The following ZNF248 variants were observed in gnomAD, a reference collection of about 807,000 sequenced individuals.
ZNF248 encodes the protein zinc finger protein 248, also known as KRAB protein domain.
A neutral mutation model predicts 44.3 loss-of-function variants in ZNF248; 20 were observed. The ratio of observed to expected loss-of-function variants is 0.45; its 90% CI spans 0.32 to 0.66. The LOEUF is 0.66. Among genes scored for constraint, ZNF248 ranks in the 30% least tolerant of loss-of-function variants. The probability of loss-of-function intolerance (pLI) is 0.04; values close to 1 mark genes in which losing one functional copy is unlikely to be tolerated. For synonymous variants in ZNF248, 224 were observed against 229.0 expected, an observed-to-expected ratio of 0.98 and a Z score of 0.20; for missense variants, 654 against 677.0, an observed-to-expected ratio of 0.97 and a Z score of 0.38.
chr10:37,773,732 T>C (rs2132745615), downstream of ZNF248, among the ~76,000 whole-genome samples: 1 of 152,242 alleles, frequency 6.6e-6, no homozygotes, highest in Non-Finnish European at 1.5e-5. Flanking sequence ...CTCATCTCTC[T>C]TTCTTATGAA....
chr10:37,849,753 C>A (rs1000077409), intron 3 of ZNF248, among the ~76,000 whole-genome samples: 1 of 151,698 alleles, frequency 6.6e-6, no homozygotes, highest in African/African-American at 2.4e-5. Context: ...GAAGACAGTA[C>A]AAAAGAGAAA....
chr10:37,852,993 C>G (rs986798173), intron 3 of ZNF248, among the ~76,000 whole-genome samples: 5 of 152,096 alleles, frequency 3.3e-5, no homozygotes, highest in Admixed American at 6.5e-5. Flanking sequence ...TCCCGAGTAG[C>G]TGGGACTACA....
chr10:37,777,891 T>C (rs1202535841), intron 6 of ZNF248, among the ~76,000 whole-genome samples: 1 of 152,118 alleles, frequency 6.6e-6, no homozygotes, highest in Non-Finnish European at 1.5e-5. Context: ...CTGCATAGTA[T>C]TCCACGGTGT....
intron 6 of ZNF248, among the ~76,000 whole-genome samples, chr10:37,822,242 G>A (rs1023793554): frequency 1.3e-5 from 2 of 152,122 alleles, no homozygotes; most frequent in African/African-American, 4.8e-5. Flanking sequence ...TAACAGCCTT[G>A]TCTACATAGA....
At chr10:37,856,233 AC>A in intron 3 of ZNF248, 62 bp downstream of exon 3, 1 of 1,555,460 alleles carries the variant, frequency 6.4e-7, no homozygotes, top group Admixed American at 1.8e-5. Context: ...CAAAACATAA[AC>A]CCTTATAAAC....
At chr10:37,820,191 G>A (rs754831532) in intron 6 of ZNF248, 4 of 1,257,956 alleles carry the variant, frequency 3.2e-6, no homozygotes, top group Non-Finnish European at 4.7e-6. Context: ...TTCTAGTGCA[G>A]ATATTTTTTA....
chr10:37,786,488 G>C (rs2047884715), intron 6 of ZNF248, among the ~76,000 whole-genome samples: 1 of 151,582 alleles, frequency 6.6e-6, no homozygotes, highest in Non-Finnish European at 1.5e-5. Context: ...GTAAAAATTA[G>C]AAAAACAAGA....
At chr10:37,851,958 A>T (rs906807645) in intron 3 of ZNF248, among the ~76,000 whole-genome samples, 6 of 152,182 alleles carry the variant, frequency 3.9e-5, no homozygotes, top group African/African-American at 1.4e-4. Context: ...TTAAACTGTG[A>T]TATATCCAGC....
intron 6 of ZNF248, chr10:37,820,157 T>G: frequency 8.6e-7 from 1 of 1,156,566 alleles, no homozygotes; most frequent in Non-Finnish European, 1.3e-6. Flanking sequence ...CTTCCCTCCT[T>G]CTTAAGTCAG....
chr10:37,857,111 C>T (rs2061435135), intron 1 of ZNF248, 74 bp downstream of exon 1: 1 of 152,392 alleles, frequency 6.6e-6, no homozygotes, highest in African/African-American at 2.4e-5. Flanking sequence ...AGCCTTTCAC[C>T]CGTCCCTGCC....
chr10:37,782,281 A>G (rs2047404951), intron 6 of ZNF248, among the ~76,000 whole-genome samples: 1 of 152,226 alleles, frequency 6.6e-6, no homozygotes, highest in African/African-American at 2.4e-5. Flanking sequence ...ATTTTACCCC[A>G]GGATGGACCA....
chr10:37,805,427 T>C (rs1419184077), intron 6 of ZNF248, among the ~76,000 whole-genome samples: 6 of 152,202 alleles, frequency 3.9e-5, no homozygotes, highest in African/African-American at 1.4e-4. Context: ...ATATGATATA[T>C]ACTAAACCAA....
At chr10:37,799,144 A>T (rs1390546800) in intron 6 of ZNF248, among the ~76,000 whole-genome samples, 1 of 152,154 alleles carries the variant, frequency 6.6e-6, no homozygotes, top group Non-Finnish European at 1.5e-5. Flanking sequence ...AGTGCAATAT[A>T]ATAACTGATA....
At position 37,832,504 on chromosome 10, in the gene ZNF248, C is replaced by T; in HGVS notation, c.851G>A (p.Arg284Lys). Residue 284 changes from arginine (R) to lysine (K), a missense_variant, in exon 6 of 6, where the codon AGG becomes AAG. Transcript: ENST00000395867. ...ICGKSFCMNL[R>K]FGHQRALTKD... Reference sequence around the variant, plus strand: ...TGTAAGAGCTCTCTGATGTCCAAACCTTAAATTCATGCAGAAGGACTTCCC... The same window carrying T: ...TGTAAGAGCTCTCTGATGTCCAAACTTTAAATTCATGCAGAAGGACTTCCC... The T allele has an allele frequency of 6.2e-7, 1 of 1,613,882 alleles. No homozygotes were observed. The highest frequency in any genetic ancestry group is 8.5e-7 in the Non-Finnish European group (1 of 1,179,920).
At chr10:37,774,291 A>G (rs1402417328), downstream of ZNF248, among the ~76,000 whole-genome samples, 2 of 152,206 alleles carry the variant, frequency 1.3e-5, no homozygotes, top group African/African-American at 4.8e-5. Flanking sequence ...TACCGCAGTC[A>G]CAGGAAATTA....
intron 3 of ZNF248, among the ~76,000 whole-genome samples, chr10:37,847,190 G>C (rs2059463070): frequency 6.6e-6 from 1 of 151,946 alleles, no homozygotes; most frequent in South Asian, 2.1e-4. Flanking sequence ...ACCATGCCCA[G>C]CTAACTTTTT....
At chr10:37,765,803 G>A in the ZNF248 span, among the ~76,000 whole-genome samples, 1,004 of 152,334 alleles carry the variant, frequency 6.6e-3, 8 homozygotes, top group African/African-American at 0.022. Flanking sequence ...CTGAAGCAGG[G>A]CGAGGCATTG....
intron 6 of ZNF248, among the ~76,000 whole-genome samples, chr10:37,780,694 G>C (rs1016542242): frequency 3.3e-5 from 5 of 152,136 alleles, no homozygotes; most frequent in Non-Finnish European, 7.4e-5. Context: ...CACCCCGCGC[G>C]GGGCCTGGAC....
At chr10:37,780,822 T>C (rs1235586831) in intron 6 of ZNF248, among the ~76,000 whole-genome samples, 1 of 152,088 alleles carries the variant, frequency 6.6e-6, no homozygotes, top group East Asian at 1.9e-4. Flanking sequence ...CCAAACCTCC[T>C]CAGCTCGCCT....
Sources: gnomAD v4.1 joint callset for allele counts (sites outside exome capture counted in the v4.1 genomes callset) on GRCh38, gnomAD v4.1.1 for gene constraint, MANE v1.5 for transcripts, NCBI Gene and HGNC (gene_info 2026-07-23, HGNC 2026-07-21) for gene names.